Variants in PHIP observed in about 807,000 individuals in gnomAD.
PHIP encodes PH-interacting protein.
Under a neutral mutation model 236.8 loss-of-function variants are expected in PHIP, and 54 were observed. The ratio of observed to expected loss-of-function variants is 0.23; its 90% CI spans 0.18 to 0.29. The LOEUF (loss-of-function observed/expected upper bound fraction) is 0.29, where lower values mean the gene tolerates loss of function less well. Among genes scored for constraint, PHIP ranks in the 10% least tolerant of loss-of-function variants. The pLI, the probability that PHIP is intolerant of heterozygous loss-of-function variation, is 1.00. For missense variants in PHIP, 1,370 were observed against 2,190.8 expected (o/e 0.63, Z 7.48); for synonymous variants, 756 against 718.9 (o/e 1.05, Z -0.83).
At chr6:79,077,321 C>G in intron 4 of PHIP, 127 bp downstream of exon 4, 1 of 919,444 alleles carries the variant, frequency 1.1e-6, no homozygotes. Context: ...CCTCCCAACC[C>G]TCCCCATGGC....
At chr6:78,972,048 C>CCTCT (rs770298203) in intron 24 of PHIP, among the ~76,000 whole-genome samples, 1 of 152,114 alleles carries the variant, frequency 6.6e-6, no homozygotes, top group African/African-American at 2.4e-5. Context: ...GGCCTGCCTG[C>CCTCT]CTCTGTAGGC....
chr6:79,037,251 A>G (rs958690646), intron 7 of PHIP, among the ~76,000 whole-genome samples: 1 of 152,190 alleles, frequency 6.6e-6, no homozygotes, highest in African/African-American at 2.4e-5. Context: ...CAGGTTATAA[A>G]GAATACAGGC....
rs1199478316 is a variant in PHIP at position 79,001,918 on chromosome 6, C to T, written c.1860G>A (p.Gln620=). 8 of 1,610,738 alleles carry T rather than the reference C, an allele frequency of 5.0e-6. No individual in the cohort carries two copies. In the South Asian group the frequency reaches 7.7e-5, roughly 15 times the overall value. Residue 620 remains glutamine, a synonymous_variant, in exon 17 of 40, where the codon CAG becomes CAA. Transcript: ENST00000275034. Reference sequence around the variant, plus strand: ...ACCTACCTGAGGAAGTTACTCCCATCTGAGGGATGAGTTGCTCCTCCCTGC... The same window carrying T: ...ACCTACCTGAGGAAGTTACTCCCATTTGAGGGATGAGTTGCTCCTCCCTGC... ...ENCREEQLIP[Q]MGVTSSGLNQ...
rs1161871549 is a variant in PHIP, at chr6:78,946,087, G to A, written c.4544C>T (p.Pro1515Leu). 5.0e-6 allele frequency: 8 copies of A among 1,613,004 alleles called. No homozygotes were observed. The Admixed American group carries it at 1.0e-4, about 20-fold the overall frequency. The change falls in exon 38 of 40, where the codon CCA becomes CTA. Residue 1515 changes from proline (P) to leucine (L), a missense_variant. Pro to Leu is a moderately conservative substitution (Grantham distance 98). Transcript: ENST00000275034. ...RTRSNRVVVD[P>L]VVTEQPSTSS... ...AGTAGATGGTTGCTCAGTGACAACT[G>A]GATCTACAACCACTCGGTTGCTTCT...
At chr6:79,025,450 C>T in intron 9 of PHIP, 69 bp downstream of exon 9, 1 of 896,190 alleles carries the variant, frequency 1.1e-6, no homozygotes, top group South Asian at 1.4e-5. Flanking sequence ...TTGTCGACTA[C>T]TTTATACTTT....
At chr6:78,955,033 G>T in intron 34 of PHIP, 70 bp from the exon 35 acceptor site, 1 of 1,078,464 alleles carries the variant, frequency 9.3e-7, no homozygotes, top group Non-Finnish European at 1.3e-6. Flanking sequence ...TTTTAATGTA[G>T]TCTTAGATAA....
intron 6 of PHIP, 90 bp downstream of exon 6, chr6:79,060,388 C>T: frequency 1.3e-6 from 1 of 787,418 alleles, no homozygotes; most frequent in Non-Finnish European, 2.0e-6. Flanking sequence ...ATATGAAGTT[C>T]TCTAATACCA....
intron 24 of PHIP, among the ~76,000 whole-genome samples, chr6:78,971,828 A>G (rs895341594): frequency 6.6e-6 from 1 of 152,198 alleles, no homozygotes; most frequent in Non-Finnish European, 1.5e-5. Context: ...AATGGGCTTA[A>G]AAAACGGCGC....
rs1409620495 is a variant in PHIP at position 78,939,107 on chromosome 6, AAAC to A, written c.*1583_*1585del. ...TTTAAAAAAATGGACAGTAATTTTT[AAAC>A]AATAGAAATGGTAAGTATGTTGGTT... On this transcript the variant is annotated 3_prime_UTR_variant, in exon 40 of 40. Transcript: ENST00000275034. 6.6e-6 allele frequency: 1 copy of A among 151,754 alleles called. No individual in the cohort carries two copies. The highest frequency in any genetic ancestry group is 1.5e-5 in the Non-Finnish European group (1 of 67,694). The allele number at this position is 151,754 out of a possible 1,614,324, so 9.4% of individuals were successfully genotyped here.
chr6:79,060,488 T>A lies in PHIP; in HGVS notation c.429A>T (p.Pro143=), dbSNP rs747879997. The A allele has an allele frequency of 1.5e-5, 24 of 1,612,194 alleles. No homozygotes were observed. Among genetic ancestry groups the A allele is most frequent in the Non-Finnish European group, 2.0e-5 (24 of 1,178,854 alleles). Residue 143 remains proline (P), a synonymous_variant, in exon 6 of 40, where the codon CCA becomes CCT. Transcript: ENST00000275034. ...PPESPVNYGS[P]PSIADTLFSR... ...ACTCAAACAACTCACCAATGCTGGG[T>A]GGGCTACCATAGTTAACTGGTGACT...
rs139030315 is a variant in PHIP, at chr6:79,054,650, C to T, written c.439+5828G>A. ...AACTTATATATTAAAATTATGTAATCTCATATATTTGTAATATAAAAAAAT... is the reference window on the plus strand; with the variant it reads ...AACTTATATATTAAAATTATGTAATTTCATATATTTGTAATATAAAAAAAT... On this transcript the variant is annotated intron_variant, in intron 6 of 39. Transcript: ENST00000275034. Among the ~76,000 whole-genome samples the T allele has an allele frequency of 2.5e-3, 377 of 150,692 alleles. 5 individuals carry two copies. Among genetic ancestry groups the T allele is most frequent in the Admixed American group, 0.024 (363 of 15,112 alleles).
At chr6:79,024,528 G>A (rs1389453474) in intron 9 of PHIP, among the ~76,000 whole-genome samples, 1 of 152,152 alleles carries the variant, frequency 6.6e-6, no homozygotes, top group Non-Finnish European at 1.5e-5. Context: ...ATAGAGGCTG[G>A]GCACGGTGGC....
intron 15 of PHIP, among the ~76,000 whole-genome samples, chr6:79,008,877 A>G (rs1562175235): frequency 2.6e-5 from 4 of 152,074 alleles, no homozygotes; most frequent in Non-Finnish European, 2.9e-5. Flanking sequence ...TAATAAAACC[A>G]TTGTTCTCAA....
chr6:78,971,872 G>T (rs147630567), intron 24 of PHIP, among the ~76,000 whole-genome samples: 3,220 of 151,628 alleles, frequency 0.021, 118 homozygotes, highest in African/African-American at 0.073. Flanking sequence ...TGGCTCGGAG[G>T]GTCCTACCCC....
intron 31 of PHIP, 71 bp downstream of exon 31, chr6:78,961,619 C>A (rs1766786657): frequency 2.3e-5 from 35 of 1,510,338 alleles, no homozygotes; most frequent in Non-Finnish European, 3.1e-5. Context: ...AGAAACACTG[C>A]TAAAGATCAG....
chr6:79,015,532 G>C, intron 14 of PHIP, 98 bp downstream of exon 14: 6 of 922,480 alleles, frequency 6.5e-6, no homozygotes, highest in Non-Finnish European at 8.2e-6. Context: ...GCAAGCAAGA[G>C]TTTTTAGCTA....
At chr6:78,970,728 C>A in intron 25 of PHIP, 53 bp downstream of exon 25, 1 of 1,183,916 alleles carries the variant, frequency 8.4e-7, no homozygotes, top group South Asian at 1.4e-5. Flanking sequence ...CAATTTTCTC[C>A]AAATTCCATA....
intron 29 of PHIP, 27 bp downstream of exon 29, chr6:78,965,676 G>C (rs1310853569): frequency 2.2e-6 from 3 of 1,334,642 alleles, no homozygotes; most frequent in Non-Finnish European, 3.2e-6. Context: ...CCATAATGGA[G>C]AAACAAAAAG....
chr6:78,991,675 C>A (rs551583737), intron 19 of PHIP, among the ~76,000 whole-genome samples: 1 of 151,926 alleles, frequency 6.6e-6, no homozygotes, highest in Non-Finnish European at 1.5e-5. Context: ...GTAGTTAATA[C>A]TAAAACACAG....
Sources: allele counts gnomAD v4.1 joint callset (sites outside exome capture counted in the v4.1 genomes callset), GRCh38; gene constraint gnomAD v4.1.1; transcripts MANE v1.5; gene names NCBI Gene and HGNC (gene_info 2026-07-23, HGNC 2026-07-21).